The following ZMYM2 variants were observed in gnomAD, a reference collection of about 807,000 sequenced individuals.
ZMYM2 encodes zinc finger MYM-type protein 2.
A neutral mutation model predicts 162.8 loss-of-function variants in ZMYM2; 56 were observed. That is an observed-to-expected ratio of 0.34 (90% CI 0.28 to 0.43). The LOEUF is 0.43. Ranked by LOEUF, ZMYM2 falls within the 20% of genes least tolerant of loss-of-function variation. The probability of loss-of-function intolerance (pLI) is 1.00; values close to 1 mark genes in which losing one functional copy is unlikely to be tolerated. For missense variants in ZMYM2, 1,275 were observed against 1,621.8 expected, an observed-to-expected ratio of 0.79 and a Z score of 3.67; for synonymous variants, 510 against 541.6, an observed-to-expected ratio of 0.94 and a Z score of 0.81.
intron 12 of ZMYM2, 29 bp from the exon 13 acceptor site, chr13:20,051,404 A>C: frequency 6.3e-7 from 1 of 1,595,484 alleles, no homozygotes; most frequent in Non-Finnish European, 8.5e-7. Flanking sequence ...ATAATTTGCA[A>C]TATCTGAAAC....
the ZMYM2 span, among the ~76,000 whole-genome samples, chr13:19,897,981 A>G: frequency 6.6e-6 from 1 of 152,162 alleles, no homozygotes; most frequent in Non-Finnish European, 1.5e-5. Flanking sequence ...AAACAACACT[A>G]TGGAACAATC....
At chr13:20,051,708 C>T in intron 13 of ZMYM2, 110 bp downstream of exon 13, 1 of 1,076,676 alleles carries the variant, frequency 9.3e-7, no homozygotes, top group African/African-American at 1.6e-5. Context: ...AGCTTAACAG[C>T]AACTTAAATT....
intron 21 of ZMYM2, among the ~76,000 whole-genome samples, chr13:20,074,468 C>T (rs1371255926): frequency 6.6e-6 from 1 of 151,848 alleles, no homozygotes; most frequent in Non-Finnish European, 1.5e-5. Context: ...ACTCCTGGGC[C>T]CAAGCAATCC....
chr13:19,978,587 G>A (rs1246703750), intron 2 of ZMYM2, among the ~76,000 whole-genome samples: 2 of 151,950 alleles, frequency 1.3e-5, no homozygotes, highest in Non-Finnish European at 2.9e-5. Flanking sequence ...AGCTAATTTT[G>A]TATTTTTAGT....
intron 12 of ZMYM2, among the ~76,000 whole-genome samples, chr13:20,039,964 C>T (rs889247117): frequency 6.6e-6 from 1 of 152,104 alleles, no homozygotes; most frequent in African/African-American, 2.4e-5. Context: ...TAAGCCTTTT[C>T]GATGTGCTGC....
intron 6 of ZMYM2, among the ~76,000 whole-genome samples, chr13:20,015,708 A>T (rs902135693): frequency 1.3e-5 from 2 of 152,118 alleles, no homozygotes; most frequent in Admixed American, 1.3e-4. Flanking sequence ...CTTGGTAAGT[A>T]GACCCTTTGT....
intron 2 of ZMYM2, among the ~76,000 whole-genome samples, chr13:19,967,990 A>C (rs1389162574): frequency 6.6e-6 from 1 of 152,164 alleles, no homozygotes; most frequent in African/African-American, 2.4e-5. Context: ...CATCGAGATA[A>C]AAATGCTTTA....
chr13:20,005,113 G>A lies in ZMYM2; in HGVS notation c.1173G>A (p.Val391=), dbSNP rs115819790. The A allele has an allele frequency of 2.6e-3, 4,155 of 1,607,106 alleles. 75 individuals carry two copies. The African/African-American group carries it at 0.046, about 18-fold the overall frequency. Residue 391 remains valine, a synonymous_variant, in exon 5 of 25, where the codon GTG becomes GTA. Transcript: ENST00000610343. ...TGAAAGGAACCATTGTTGCTCAAGT[G>A]GATTCAAGTGAGTCCTTCCAGGAAT... The part of the protein sequence containing the change: ...TTMKGTIVAQ[V]DSSESFQEFC...
intron 12 of ZMYM2, among the ~76,000 whole-genome samples, chr13:20,043,358 G>A (rs1296087720): frequency 6.6e-6 from 1 of 152,140 alleles, no homozygotes; most frequent in Non-Finnish European, 1.5e-5. Context: ...CAGCGTGATG[G>A]GGTGCACACT....
At chr13:20,051,363 A>G in intron 12 of ZMYM2, 70 bp from the exon 13 acceptor site, 22 of 1,541,118 alleles carry the variant, frequency 1.4e-5, no homozygotes, top group South Asian at 1.2e-4. Flanking sequence ...TTTGGCAATA[A>G]TCACTGATAA....
At chr13:19,950,962 G>A in the ZMYM2 span, among the ~76,000 whole-genome samples, 2 of 152,208 alleles carry the variant, frequency 1.3e-5, no homozygotes, top group Admixed American at 6.5e-5. Flanking sequence ...GGCTTTGAAT[G>A]CATGTGGTCC....
intron 12 of ZMYM2, among the ~76,000 whole-genome samples, chr13:20,043,646 G>A (rs1447787136): frequency 6.6e-6 from 1 of 152,028 alleles, no homozygotes; most frequent in Admixed American, 6.5e-5. Flanking sequence ...GGGCCAGGTT[G>A]TGGTGGGGGC....
chr13:20,055,549 C>CT (rs1414727827), intron 14 of ZMYM2, among the ~76,000 whole-genome samples: 1 of 152,126 alleles, frequency 6.6e-6, no homozygotes, highest in Non-Finnish European at 1.5e-5. Context: ...TCTAGTGTCA[C>CT]TAAGAGCAAG....
intron 6 of ZMYM2, among the ~76,000 whole-genome samples, chr13:20,018,131 C>T (rs887230283): frequency 6.6e-6 from 1 of 152,146 alleles, no homozygotes; most frequent in Non-Finnish European, 1.5e-5. Flanking sequence ...TGATACCACC[C>T]TGACTAGAGG....
chr13:19,881,548 G>A, the ZMYM2 span, among the ~76,000 whole-genome samples: 1 of 152,020 alleles, frequency 6.6e-6, no homozygotes, highest in Non-Finnish European at 1.5e-5. Flanking sequence ...CTTGAACCCA[G>A]GAGGAGGAGG....
At chr13:20,032,113 C>T (rs912561431) in intron 10 of ZMYM2, among the ~76,000 whole-genome samples, 1 of 152,098 alleles carries the variant, frequency 6.6e-6, no homozygotes, top group Admixed American at 6.6e-5. Flanking sequence ...TCAACTGATC[C>T]GCCCACCTCA....
At chr13:20,024,146 G>T (rs1380189771) in intron 7 of ZMYM2, among the ~76,000 whole-genome samples, 3 of 152,118 alleles carry the variant, frequency 2.0e-5, no homozygotes, top group South Asian at 4.1e-4. Context: ...TGTTGGCCAG[G>T]CTGGTCTCGA....
chr13:20,006,621 T>G, intron 6 of ZMYM2, 35 bp downstream of exon 6: 1 of 1,596,464 alleles, frequency 6.3e-7, no homozygotes, highest in Non-Finnish European at 8.6e-7. Flanking sequence ...GGGCATTCTT[T>G]AGAATGTTCT....
intron 21 of ZMYM2, 56 bp downstream of exon 21, chr13:20,067,446 G>T: frequency 6.7e-7 from 1 of 1,483,352 alleles, no homozygotes; most frequent in South Asian, 1.5e-5. Flanking sequence ...AGTTGTGGTA[G>T]TTCTTGTTTC....
Sources: allele counts gnomAD v4.1 joint callset (sites outside exome capture counted in the v4.1 genomes callset), GRCh38; gene constraint gnomAD v4.1.1; transcripts MANE v1.5; gene names NCBI Gene and HGNC (gene_info 2026-07-23, HGNC 2026-07-21).